Variants in GPC5 observed in about 807,000 individuals in gnomAD.
The protein encoded by GPC5 is glypican 5, also known as glypican-5.
A neutral mutation model predicts 53.9 loss-of-function variants in GPC5; 47 were observed. The ratio of observed to expected loss-of-function variants is 0.87; its 90% CI spans 0.69 to 1.11. The LOEUF is 1.11. GPC5 is among the 50% of genes most tolerant of loss of function. The pLI, the probability that GPC5 is intolerant of heterozygous loss-of-function variation, is 0.00. For missense variants in GPC5, 748 were observed against 713.1 expected, an observed-to-expected ratio of 1.05 and a Z score of -0.56; for synonymous variants, 286 against 263.3, an observed-to-expected ratio of 1.09 and a Z score of -0.84.
intron 7 of GPC5, among the ~76,000 whole-genome samples, chr13:92,159,927 G>A (rs1036475906): frequency 6.7e-6 from 1 of 150,130 alleles, no homozygotes; most frequent in Non-Finnish European, 1.5e-5. Flanking sequence ...TAATTGAGAG[G>A]AGTCTTGCCC....
At chr13:91,913,661 T>C (rs1463790926) in intron 6 of GPC5, among the ~76,000 whole-genome samples, 1 of 152,136 alleles carries the variant, frequency 6.6e-6, no homozygotes, top group African/African-American at 2.4e-5. Flanking sequence ...GAATTGAGAA[T>C]GGGAACCTTG....
At chr13:92,521,034 A>G (rs1294965324) in intron 7 of GPC5, among the ~76,000 whole-genome samples, 2 of 152,198 alleles carry the variant, frequency 1.3e-5, no homozygotes, top group Non-Finnish European at 2.9e-5. Context: ...CAATTGATTC[A>G]AAGAGAATAA....
At chr13:92,258,446 A>G (rs1020585773) in intron 7 of GPC5, among the ~76,000 whole-genome samples, 2 of 152,186 alleles carry the variant, frequency 1.3e-5, no homozygotes, top group African/African-American at 4.8e-5. Flanking sequence ...GGTGCAGTCC[A>G]ATGGTTAGTT....
intron 7 of GPC5, among the ~76,000 whole-genome samples, chr13:92,268,258 A>AGCC (rs1383870894): frequency 6.6e-6 from 1 of 152,044 alleles, no homozygotes; most frequent in African/African-American, 2.4e-5. Context: ...AGGAAATTAA[A>AGCC]AATTCTCCCA....
chr13:91,512,636 T>A (rs1163036171), intron 2 of GPC5, among the ~76,000 whole-genome samples: 1 of 152,092 alleles, frequency 6.6e-6, no homozygotes. Flanking sequence ...TTGGTAGAGG[T>A]CTCTTGGCTG....
intron 7 of GPC5, among the ~76,000 whole-genome samples, chr13:92,527,097 AAAAGAAAGAAAAAAGAAAGAAAGAAAG>A (rs1252681334): frequency 0.02 from 1,528 of 76,008 alleles, 151 homozygotes; most frequent in East Asian, 0.063. Flanking sequence ...ATTCTGTAGG[AAAAGAAAGAAAAAAGAAAGAAAGAAAG>A]AAAGAAAGAA....
intron 6 of GPC5, among the ~76,000 whole-genome samples, chr13:92,123,960 G>GT (rs1299647376): frequency 2.0e-5 from 3 of 151,916 alleles, no homozygotes; most frequent in African/African-American, 7.3e-5. Context: ...TTTGCATATA[G>GT]TTACGATAGT....
intron 7 of GPC5, among the ~76,000 whole-genome samples, chr13:92,264,212 G>A (rs893513792): frequency 2.0e-5 from 3 of 152,014 alleles, no homozygotes; most frequent in African/African-American, 4.8e-5. Flanking sequence ...GCTCAGTAGA[G>A]AGTAAATATA....
intron 7 of GPC5, among the ~76,000 whole-genome samples, chr13:92,549,151 T>C (rs1429363004): frequency 6.6e-6 from 1 of 152,032 alleles, no homozygotes; most frequent in African/African-American, 2.4e-5. Flanking sequence ...CCTCTTTAAG[T>C]TGTGAGCTTT....
intron 6 of GPC5, among the ~76,000 whole-genome samples, chr13:92,090,243 C>A (rs2041369311): frequency 6.6e-6 from 1 of 152,044 alleles, no homozygotes; most frequent in Non-Finnish European, 1.5e-5. Flanking sequence ...AATATATTGC[C>A]ATTTTTGAAA....
intron 2 of GPC5, among the ~76,000 whole-genome samples, chr13:91,645,055 A>T (rs1039427403): frequency 1.3e-5 from 2 of 152,202 alleles, no homozygotes; most frequent in Middle Eastern, 3.2e-3. Flanking sequence ...AAGAATTGAG[A>T]AACTTTGCTT....
chr13:92,597,756 A>ATAGG (rs1319759986), intron 7 of GPC5, among the ~76,000 whole-genome samples: 4 of 152,232 alleles, frequency 2.6e-5, no homozygotes, highest in Non-Finnish European at 5.9e-5. Context: ...CCAAAACTTA[A>ATAGG]TAGGATAAAT....
At chr13:92,245,012 C>A (rs1020195203) in intron 7 of GPC5, among the ~76,000 whole-genome samples, 1 of 146,344 alleles carries the variant, frequency 6.8e-6, no homozygotes. Context: ...CACTCCAGTC[C>A]TGGTGACAAA....
intron 7 of GPC5, among the ~76,000 whole-genome samples, chr13:92,180,233 T>C (rs1459827395): frequency 6.6e-6 from 1 of 152,192 alleles, no homozygotes; most frequent in Non-Finnish European, 1.5e-5. Flanking sequence ...TTCCTTTTGT[T>C]TAAGGCTGCA....
chr13:91,886,896 C>T (rs1266490945), intron 5 of GPC5, among the ~76,000 whole-genome samples: 1 of 152,108 alleles, frequency 6.6e-6, no homozygotes, highest in Non-Finnish European at 1.5e-5. Flanking sequence ...TGTGGCTTTT[C>T]CAGGTAAACA....
intron 7 of GPC5, among the ~76,000 whole-genome samples, chr13:92,608,348 T>C (rs1884323554): frequency 6.6e-6 from 1 of 152,186 alleles, no homozygotes; most frequent in African/African-American, 2.4e-5. Flanking sequence ...TAGCCATGTA[T>C]TTGACCAACT....
chr13:92,385,859 A>C (rs956091209), intron 7 of GPC5, among the ~76,000 whole-genome samples: 3 of 149,758 alleles, frequency 2.0e-5, no homozygotes, highest in Non-Finnish European at 4.5e-5. Context: ...ATAAAACATA[A>C]ACTATTTCAT....
intron 5 of GPC5, among the ~76,000 whole-genome samples, chr13:91,846,563 C>T (rs965331589): frequency 1.3e-4 from 20 of 151,650 alleles, no homozygotes; most frequent in Admixed American, 2.0e-4. Context: ...GCAAGTTCAC[C>T]GAGAGAAGTA....
At chr13:92,751,155 A>G (rs1889378117) in intron 7 of GPC5, among the ~76,000 whole-genome samples, 1 of 151,882 alleles carries the variant, frequency 6.6e-6, no homozygotes, top group Non-Finnish European at 1.5e-5. Context: ...AGATGTAGAC[A>G]TTTTCTACCA....
Sources: gnomAD v4.1 joint callset for allele counts (sites outside exome capture counted in the v4.1 genomes callset) on GRCh38, gnomAD v4.1.1 for gene constraint, MANE v1.5 for transcripts, NCBI Gene and HGNC (gene_info 2026-07-23, HGNC 2026-07-21) for gene names.